The following CFAP54 variants were observed in gnomAD, a reference collection of about 807,000 sequenced individuals.
The protein encoded by CFAP54 is cilia and flagella associated protein 54.
Under a neutral mutation model 370.4 loss-of-function variants are expected in CFAP54, and 290 were observed. The ratio of observed to expected loss-of-function variants is 0.78; its 90% CI spans 0.71 to 0.86. The LOEUF (loss-of-function observed/expected upper bound fraction) is 0.86. Among genes scored for constraint, CFAP54 ranks in the 40% least tolerant of loss-of-function variants. The pLI is 0.00. For synonymous variants in CFAP54, 1,206 were observed against 1,236.5 expected (o/e 0.98, Z 0.52); for missense variants, 3,399 against 3,528.7 (o/e 0.96, Z 0.93).
chr12:96,527,384 G>A lies in CFAP54; in HGVS notation c.1297G>A (p.Glu433Lys). 1 of 1,534,638 alleles carries A rather than the reference G, an allele frequency of 6.5e-7. No individual in the cohort carries two copies. Among genetic ancestry groups the A allele is most frequent in the East Asian group, 2.4e-5 (1 of 40,884 alleles). ...ILQTGPIVTD[E>K]VEIHDVVSEL... Reference sequence around the variant, plus strand: ...GCAAACTGGACCCATTGTTACAGATGAAGTGGAGATTCATGATGTTGTCTC... The same window carrying A: ...GCAAACTGGACCCATTGTTACAGATAAAGTGGAGATTCATGATGTTGTCTC... The change falls in exon 9 of 68, where the codon GAA becomes AAA. Residue 433 changes from glutamate (E) to lysine (K), a missense_variant. Coordinates refer to ENST00000524981, the MANE Select transcript of CFAP54 (RefSeq NM_001306084.2).
intron 56 of CFAP54, among the ~76,000 whole-genome samples, chr12:96,754,392 T>C (rs1958226679): frequency 6.6e-6 from 1 of 152,216 alleles, no homozygotes; most frequent in South Asian, 2.1e-4. Flanking sequence ...TTGTGGGCAT[T>C]TTACCTCTGA....
chr12:96,576,159 A>G (rs1418310114), intron 19 of CFAP54, among the ~76,000 whole-genome samples: 1 of 152,026 alleles, frequency 6.6e-6, no homozygotes, highest in Non-Finnish European at 1.5e-5. Flanking sequence ...TTCATAAACC[A>G]CATATACCAA....
chr12:96,561,075 G>T (rs536537638), intron 17 of CFAP54, among the ~76,000 whole-genome samples: 1 of 152,118 alleles, frequency 6.6e-6, no homozygotes, highest in Admixed American at 6.5e-5. Flanking sequence ...CATAAATTTT[G>T]CCAGTGGGAG....
intron 36 of CFAP54, among the ~76,000 whole-genome samples, chr12:96,654,832 A>AT (rs10631171): frequency 0.45 from 59,344 of 132,680 alleles, 13,619 homozygotes; most frequent in Admixed American, 0.55. Flanking sequence ...ATTTCACTTA[A>AT]TTTTTTTTTT....
chr12:96,650,889 C>T (rs1185823890), intron 35 of CFAP54, among the ~76,000 whole-genome samples: 1 of 152,204 alleles, frequency 6.6e-6, no homozygotes, highest in Non-Finnish European at 1.5e-5. Flanking sequence ...TTGCAGAACT[C>T]AGCTCCTCTT....
At chr12:96,516,206 C>T (rs553732253) in intron 5 of CFAP54, among the ~76,000 whole-genome samples, 8 of 152,150 alleles carry the variant, frequency 5.3e-5, no homozygotes, top group Admixed American at 6.5e-5. Context: ...TGAGCCACTG[C>T]GTCCGGCCAT....
chr12:96,811,784 G>A lies in CFAP54; in HGVS notation c.8899G>A (p.Val2967Ile). 4 of 1,526,190 alleles carry A rather than the reference G, an allele frequency of 2.6e-6. No individual in the cohort carries two copies. Among genetic ancestry groups the A allele is most frequent in the Non-Finnish European group, 3.5e-6 (4 of 1,143,022 alleles). 94.5% of individuals were successfully genotyped at this position (1,526,190 alleles called of 1,614,324 possible). ...TTTGAAGCCTCTGAAGATTTCAGAT[G>A]TTAGACATTCCACTTATAACAGTAC... is the stretch of plus-strand genomic sequence containing the variant. ...YNLKPLKISD[V>I]RHSTYNSTCV... Residue 2967 changes from valine to isoleucine, a missense_variant, in exon 64 of 68, where the codon GTT becomes ATT. Val to Ile is a conservative substitution (Grantham distance 29). Around this residue, in one of 3 missense-constraint regions of CFAP54, gnomAD observed 2,796 missense variants for 2,869.7 expected, o/e 0.97. Coordinates refer to ENST00000524981, the MANE Select transcript of CFAP54 (RefSeq NM_001306084.2).
intron 6 of CFAP54, among the ~76,000 whole-genome samples, 183 bp downstream of exon 6, chr12:96,519,254 A>G (rs1442063017): frequency 6.6e-6 from 1 of 151,988 alleles, no homozygotes; most frequent in Non-Finnish European, 1.5e-5. Context: ...ATGCGCCACC[A>G]TGCCCGGCTA....
chr12:96,494,375 A>G (rs1267823961), intron 1 of CFAP54, among the ~76,000 whole-genome samples: 1 of 151,830 alleles, frequency 6.6e-6, no homozygotes, highest in African/African-American at 2.4e-5. Flanking sequence ...ATCTCAGCTC[A>G]CTGCAACCTC....
Position 96,580,924 on chromosome 12 carries a change from C to T in CFAP54, c.2894C>T (p.Pro965Leu). ...NHLPNSGEAIPADGKSVFEVK... is the reference protein window; with the variant it reads ...NHLPNSGEAILADGKSVFEVK... ...GAAATATATTTTTCTTAATAGATAC[C>T]AGCTGACGGTAAAAGTGTTTTTGAA... Residue 965 changes from proline (P) to leucine (L), a missense_variant, in exon 22 of 68, where the codon CCA becomes CTA. Coordinates refer to ENST00000524981, the MANE Select transcript of CFAP54 (RefSeq NM_001306084.2). The T allele has an allele frequency of 2.0e-6, 3 of 1,492,518 alleles. No individual in the cohort carries two copies. Among genetic ancestry groups the T allele is most frequent in the Non-Finnish European group, 2.7e-6 (3 of 1,125,444 alleles). The allele number at this position is 1,492,518 out of a possible 1,614,324, so 92.5% of individuals were successfully genotyped here.
intron 32 of CFAP54, among the ~76,000 whole-genome samples, chr12:96,635,861 G>A (rs1956658958): frequency 1.3e-5 from 2 of 152,340 alleles, no homozygotes; most frequent in South Asian, 4.1e-4. Context: ...CGGCTTCTGA[G>A]CACAGGAGCT....
intron 13 of CFAP54, among the ~76,000 whole-genome samples, chr12:96,539,192 C>G (rs1375465910): frequency 1.3e-5 from 2 of 150,412 alleles, no homozygotes; most frequent in Non-Finnish European, 3.0e-5. Context: ...TCTGGAGTAG[C>G]TGCGATTACG....
At chr12:96,704,703 G>C (rs771085758) in intron 46 of CFAP54, 40 bp from the exon 47 acceptor site, 2 of 931,040 alleles carry the variant, frequency 2.1e-6, no homozygotes, top group East Asian at 3.2e-5. Flanking sequence ...GAATACTCAA[G>C]TAATCTTGTT....
At position 96,651,569 on chromosome 12, in the gene CFAP54, A is replaced by G. The variant is rs764706105; in HGVS notation, c.4873-19A>G. On this transcript the variant is annotated intron_variant, in intron 35 of 67. Coordinates refer to ENST00000524981, the MANE Select transcript of CFAP54 (RefSeq NM_001306084.2). ...ACTTTTGGAACTTTGGGATCTTTTA[A>G]ATTTTGTGTTTGTCATAGGTTCTTG... 44 of 1,599,158 alleles carry G rather than the reference A, an allele frequency of 2.8e-5. No homozygotes were observed. The highest frequency in any genetic ancestry group is 3.7e-5 in the Non-Finnish European group (43 of 1,169,986).
intron 48 of CFAP54, among the ~76,000 whole-genome samples, chr12:96,710,592 T>A (rs1033528789): frequency 1.3e-5 from 2 of 152,054 alleles, no homozygotes; most frequent in Non-Finnish European, 2.9e-5. Flanking sequence ...CAGGTGAGTC[T>A]TTTACCATCT....
intron 26 of CFAP54, among the ~76,000 whole-genome samples, chr12:96,600,385 G>A (rs1021059219): frequency 2.6e-5 from 4 of 152,136 alleles, no homozygotes; most frequent in Non-Finnish European, 5.9e-5. Context: ...TTTGGTTACT[G>A]TAGCCTTGTA....
At chr12:96,670,147 C>T (rs1054678271) in intron 39 of CFAP54, among the ~76,000 whole-genome samples, 1 of 151,200 alleles carries the variant, frequency 6.6e-6, no homozygotes, top group Non-Finnish European at 1.5e-5. Flanking sequence ...ATGTTATCTT[C>T]TAGGAGTGTA....
intron 64 of CFAP54, 71 bp from the exon 65 acceptor site, chr12:96,817,704 G>A (rs1958992950): frequency 1.9e-6 from 2 of 1,027,470 alleles, no homozygotes; most frequent in East Asian, 6.1e-5. Context: ...ACAGGCGTGA[G>A]CCACCACGCC....
intron 26 of CFAP54, among the ~76,000 whole-genome samples, chr12:96,601,905 G>C (rs187168726): frequency 8.3e-4 from 126 of 151,944 alleles, no homozygotes; most frequent in African/African-American, 2.8e-3. Context: ...TTCAAAAAAC[G>C]AGCTCCTGGA....
Sources: gnomAD v4.1 joint callset for allele counts (sites outside exome capture counted in the v4.1 genomes callset) on GRCh38, gnomAD v4.1.1 for gene constraint, gnomAD v4.1.1 regional missense constraint, MANE v1.5 for transcripts, NCBI Gene and HGNC (gene_info 2026-07-23, HGNC 2026-07-21) for gene names.